Variants in DOCK1 observed in about 807,000 individuals in gnomAD.
DOCK1 encodes the protein dedicator of cytokinesis protein 1.
Under a neutral mutation model 262.7 loss-of-function variants are expected in DOCK1, and 138 were observed. That is an observed-to-expected ratio of 0.53 (90% CI 0.46 to 0.61). DOCK1 has a LOEUF of 0.61. Among genes scored for constraint, DOCK1 ranks in the 20% least tolerant of loss-of-function variants. DOCK1 has a pLI of 0.00. For synonymous variants in DOCK1, 866 were observed against 867.4 expected, an observed-to-expected ratio of 1.00 and a Z score of 0.03; for missense variants, 1,908 against 2,370.7, an observed-to-expected ratio of 0.80 and a Z score of 4.05.
At chr10:127,412,582 A>G (rs571236574) in intron 43 of DOCK1, among the ~76,000 whole-genome samples, 29 of 152,328 alleles carry the variant, frequency 1.9e-4, no homozygotes, top group African/African-American at 5.3e-4. Flanking sequence ...GTCCGAAGGC[A>G]TCTAGGCTGC....
chr10:127,317,465 G>C (rs2062333761), intron 29 of DOCK1, among the ~76,000 whole-genome samples: 1 of 152,190 alleles, frequency 6.6e-6, no homozygotes, highest in South Asian at 2.1e-4. Flanking sequence ...GAGTCCAGCT[G>C]TCTTGCTCTT....
At position 127,062,888 on chromosome 10, in the gene DOCK1, T is replaced by TC. The variant is rs1591856777; in HGVS notation, c.2445+1113dup. On this transcript the variant is annotated intron_variant, in intron 23 of 51. Coordinates refer to ENST00000623213, the MANE Select transcript of DOCK1 (RefSeq NM_001290223.2). ...TCCAGTGCCCCTGTCCTTCTGTCCT[T>TC]CTTCCCTCTTTTGATGACCTGGTCT... 2.0e-5 allele frequency among the ~76,000 whole-genome samples: 3 copies of TC among 152,168 alleles called. No homozygotes were observed. In the East Asian group the frequency reaches 5.8e-4, roughly 29 times the overall value.
intron 47 of DOCK1, among the ~76,000 whole-genome samples, chr10:127,428,839 G>GGGGTGCCGTGTGGATTGGGA (rs1349413835): frequency 7.9e-6 from 1 of 127,358 alleles, no homozygotes; most frequent in Non-Finnish European, 1.8e-5. Context: ...CGTGTGGATT[G>GGGGTGCCGTGTGGATTGGGA]TGCCGTGTGG....
chr10:126,951,706 G>A (rs1451001641), intron 1 of DOCK1, among the ~76,000 whole-genome samples: 1 of 151,938 alleles, frequency 6.6e-6, no homozygotes, highest in Non-Finnish European at 1.5e-5. Flanking sequence ...TAGTATTGAG[G>A]CAGAAGAATA....
At chr10:126,946,164 T>C (rs1313934070) in intron 1 of DOCK1, among the ~76,000 whole-genome samples, 1 of 152,218 alleles carries the variant, frequency 6.6e-6, no homozygotes, top group Non-Finnish European at 1.5e-5. Flanking sequence ...GCACATTTCA[T>C]TGGCATTAAA....
chr10:127,049,638 T>C (rs2044580464), intron 21 of DOCK1, among the ~76,000 whole-genome samples: 1 of 152,172 alleles, frequency 6.6e-6, no homozygotes, highest in Admixed American at 6.5e-5. Flanking sequence ...CATGTTCATG[T>C]ATTGAAAAAT....
At chr10:127,353,873 T>C (rs1355827487) in intron 31 of DOCK1, among the ~76,000 whole-genome samples, 1 of 152,160 alleles carries the variant, frequency 6.6e-6, no homozygotes, top group Admixed American at 6.5e-5. Context: ...AGAACCACAG[T>C]GCGCTCTTCT....
At chr10:127,204,832 T>A (rs1037005768) in intron 27 of DOCK1, among the ~76,000 whole-genome samples, 2 of 152,194 alleles carry the variant, frequency 1.3e-5, no homozygotes, top group Admixed American at 1.3e-4. Context: ...GCCGATACCC[T>A]CAATGGCTGC....
chr10:126,961,444 TC>T (rs2037210582), intron 1 of DOCK1, among the ~76,000 whole-genome samples: 1 of 151,548 alleles, frequency 6.6e-6, no homozygotes, highest in Non-Finnish European at 1.5e-5. Context: ...AACTCTGTCT[TC>T]CCCAGTGAAA....
At chr10:127,171,586 C>T (rs1299191916) in intron 27 of DOCK1, among the ~76,000 whole-genome samples, 2 of 152,166 alleles carry the variant, frequency 1.3e-5, no homozygotes, top group South Asian at 2.1e-4. Context: ...TTGGAAGCCC[C>T]TGTATGCTTT....
chr10:127,292,960 T>C (rs1046875454), intron 29 of DOCK1, among the ~76,000 whole-genome samples: 3 of 152,024 alleles, frequency 2.0e-5, no homozygotes, highest in Admixed American at 1.3e-4. Flanking sequence ...ACTTGACAGG[T>C]TCAATTTGTA....
At chr10:127,153,692 G>A (rs780248019) in intron 27 of DOCK1, among the ~76,000 whole-genome samples, 3 of 152,158 alleles carry the variant, frequency 2.0e-5, no homozygotes, top group Non-Finnish European at 4.4e-5. Flanking sequence ...TACTTGGGGT[G>A]GGGTATTTAG....
intron 13 of DOCK1, among the ~76,000 whole-genome samples, chr10:127,022,900 G>T (rs187420522): frequency 3.1e-4 from 47 of 152,226 alleles, no homozygotes; most frequent in African/African-American, 1.0e-3. Context: ...GCCATCAATA[G>T]TATTGGAGCC....
chr10:127,039,676 G>A (rs534128110), intron 19 of DOCK1, among the ~76,000 whole-genome samples: 4 of 152,278 alleles, frequency 2.6e-5, no homozygotes, highest in Non-Finnish European at 5.9e-5. Flanking sequence ...TTAATGGCCA[G>A]CCAGGACTTG....
At chr10:127,268,732 G>A (rs1002370816) in intron 29 of DOCK1, among the ~76,000 whole-genome samples, 5 of 151,976 alleles carry the variant, frequency 3.3e-5, no homozygotes, top group Admixed American at 6.6e-5. Context: ...TCCCCAAGTC[G>A]CTCTGCCAGG....
Position 127,362,071 on chromosome 10 carries a change from C to G in DOCK1, c.3291C>G (p.His1097Gln). The G allele has an allele frequency of 6.2e-7, 1 of 1,608,400 alleles. No homozygotes were observed. The highest frequency in any genetic ancestry group is 8.5e-7 in the Non-Finnish European group (1 of 1,178,322). The change falls in exon 33 of 52, where the codon CAC (histidine) becomes CAG (glutamine). Residue 1097 changes from histidine (H) to glutamine (Q), a missense_variant. Around this residue, in one of 9 missense-constraint regions of DOCK1, gnomAD observed 518 missense variants for 575.1 expected, o/e 0.90. Transcript: ENST00000623213. ...IRDMWYNLGQHKIKFIPEMVG... is the reference protein window; with the variant it reads ...IRDMWYNLGQQKIKFIPEMVG... ...GTACCTCTTTTTTCCAAGGTCAACA[C>G]AAGATAAAGTTCATTCCAGAAATGG...
At chr10:127,309,978 C>A (rs1362035578) in intron 29 of DOCK1, among the ~76,000 whole-genome samples, 2 of 151,720 alleles carry the variant, frequency 1.3e-5, no homozygotes, top group African/African-American at 2.4e-5. Flanking sequence ...CAGGTTCAAG[C>A]AATTCTTGTG....
chr10:127,037,838 CT>C lies in DOCK1; in HGVS notation c.2010+27del, dbSNP rs2043746532. On this transcript the variant is annotated intron_variant, in intron 19 of 51. Transcript: ENST00000623213. ...GAAGGTAACATGGAGCCCAAAGGGA[CT>C]TTTTGGGTCTTTTTTTTTTTTTTTT... 4 of 1,215,160 alleles carry C rather than the reference CT, an allele frequency of 3.3e-6. No individual in the cohort carries two copies. In the East Asian group the frequency reaches 1.1e-4, roughly 34 times the overall value. 75.3% of individuals were successfully genotyped at this position (1,215,160 alleles called of 1,614,324 possible).
Position 127,343,659 on chromosome 10 carries a change from A to G in DOCK1, c.3137A>G (p.Tyr1046Cys), listed in dbSNP as rs750702181. ...ANFELQLWNN[Y>C]FHLAVAFLTQ... ...TTTGGTTTTCAGCTGTGGAACAACT[A>G]CTTTCACCTGGCTGTTGCTTTCCTT... The change falls in exon 31 of 52, where the codon TAC becomes TGC. Residue 1046 changes from tyrosine to cysteine, a missense_variant. Physicochemically the swap from Tyr to Cys is radical, Grantham distance 194 (BLOSUM62 -2). Around this residue, in one of 9 missense-constraint regions of DOCK1, gnomAD observed 518 missense variants for 575.1 expected, o/e 0.90. Coordinates refer to ENST00000623213, the MANE Select transcript of DOCK1 (RefSeq NM_001290223.2). 5 of 1,609,808 alleles carry G rather than the reference A, an allele frequency of 3.1e-6. No individual in the cohort carries two copies. The highest frequency in any genetic ancestry group is 1.7e-5 in the Admixed American group (1 of 59,522).
Sources: gnomAD v4.1 joint callset for allele counts (sites outside exome capture counted in the v4.1 genomes callset) on GRCh38, gnomAD v4.1.1 for gene constraint, gnomAD v4.1.1 regional missense constraint, MANE v1.5 for transcripts, NCBI Gene and HGNC (gene_info 2026-07-23, HGNC 2026-07-21) for gene names.